XKR6: variants seen among roughly 807,000 people sequenced by gnomAD.
XKR6 encodes the protein XK-related protein 6.
Under a neutral mutation model 56.7 loss-of-function variants are expected in XKR6, and 22 were observed. The observed-to-expected ratio is 0.39, with a 90% CI of 0.28 to 0.55. XKR6 has a LOEUF of 0.55. Ranked by LOEUF, XKR6 falls within the 20% of genes least tolerant of loss-of-function variation. The pLI is 0.66. For missense variants in XKR6, 852 were observed against 889.0 expected (o/e 0.96, Z 0.53); for synonymous variants, 524 against 387.8 (o/e 1.35, Z -4.13).
At chr8:11,135,034 ATTT>A (rs35184172) in intron 1 of XKR6, among the ~76,000 whole-genome samples, 4 of 140,186 alleles carry the variant, frequency 2.9e-5, no homozygotes, top group African/African-American at 2.7e-5. Flanking sequence ...AAATGCACTA[ATTT>A]TTTTTTTTTT....
chr8:11,038,497 T>TTGTGTGTG (rs34388531), intron 1 of XKR6, among the ~76,000 whole-genome samples: 90 of 130,216 alleles, frequency 6.9e-4, no homozygotes, highest in East Asian at 3.2e-3. Context: ...TGTAGTCATT[T>TTGTGTGTG]TGTGTGTGTG....
chr8:10,964,263 AC>A (rs1421072450), intron 1 of XKR6, among the ~76,000 whole-genome samples: 3 of 151,890 alleles, frequency 2.0e-5, no homozygotes, highest in African/African-American at 7.3e-5. Flanking sequence ...AAAACCCAAT[AC>A]CCCCACGCTT....
chr8:10,912,975 T>C (rs1471121995), intron 2 of XKR6, among the ~76,000 whole-genome samples: 2 of 149,490 alleles, frequency 1.3e-5, no homozygotes, highest in Admixed American at 6.7e-5. Flanking sequence ...AGAGAGAAGA[T>C]GAGTGTATAT....
Position 11,116,241 on chromosome 8 carries a change from G to GA in XKR6, c.764+84334dup, listed in dbSNP as rs568760926. 7.9e-4 allele frequency among the ~76,000 whole-genome samples: 121 copies of GA among 152,292 alleles called. 2 individuals are homozygous for GA. Among genetic ancestry groups the GA allele is most frequent in the Middle Eastern group, 3.4e-3 (1 of 294 alleles). On this transcript the variant is annotated intron_variant, in intron 1 of 2. Transcript: ENST00000416569. ...TTTTCAGTTCATAGGAAGCTTCAGA[G>GA]AAAACGTAACTAATTCATAGATACC...
chr8:11,158,079 A>C (rs1391120648), intron 1 of XKR6, among the ~76,000 whole-genome samples: 1 of 152,194 alleles, frequency 6.6e-6, no homozygotes, highest in African/African-American at 2.4e-5. Context: ...GTAATCAGTG[A>C]CTTTTCAATT....
chr8:11,178,547 AATATAT>A (rs373879147), intron 1 of XKR6, among the ~76,000 whole-genome samples: 30 of 88,502 alleles, frequency 3.4e-4, no homozygotes, highest in South Asian at 1.0e-3. Context: ...GAGAGGTAAA[AATATAT>A]ATATATATAT....
intron 1 of XKR6, among the ~76,000 whole-genome samples, chr8:11,027,830 G>A (rs546021321): frequency 6.6e-6 from 1 of 152,038 alleles, no homozygotes; most frequent in East Asian, 1.9e-4. Context: ...TCCCCCTGGC[G>A]CCTCCTACCT....
intron 1 of XKR6, among the ~76,000 whole-genome samples, chr8:10,966,729 G>T (rs1039271723): frequency 3.3e-5 from 5 of 152,134 alleles, no homozygotes; most frequent in African/African-American, 1.2e-4. Flanking sequence ...CTCAGACCCT[G>T]CCCTCAGACC....
intron 1 of XKR6, among the ~76,000 whole-genome samples, chr8:11,015,704 G>T (rs1001419412): frequency 2.0e-5 from 3 of 152,178 alleles, no homozygotes; most frequent in African/African-American, 7.2e-5. Context: ...CAGAAGGAGC[G>T]AGGGAGCAGA....
At chr8:10,912,474 G>T (rs1034559985) in intron 2 of XKR6, among the ~76,000 whole-genome samples, 86 of 143,108 alleles carry the variant, frequency 6.0e-4, no homozygotes, top group African/African-American at 2.1e-3. Context: ...TATAGAGAGA[G>T]AGAGAGAGAG....
chr8:11,107,964 A>C (rs1291642097), intron 1 of XKR6: 1 of 302,204 alleles, frequency 3.3e-6, no homozygotes, highest in East Asian at 1.0e-4. Flanking sequence ...ATGCTCTTCC[A>C]TCTCTCCACT....
At chr8:11,193,992 A>T (rs1342924842) in intron 1 of XKR6, among the ~76,000 whole-genome samples, 1 of 152,190 alleles carries the variant, frequency 6.6e-6, no homozygotes, top group East Asian at 1.9e-4. Flanking sequence ...AACATTAACT[A>T]ATGAGATCTC....
At position 11,035,779 on chromosome 8, in the gene XKR6, G is replaced by C. The variant is rs114734998; in HGVS notation, c.765-110949C>G. On this transcript the variant is annotated intron_variant, in intron 1 of 2. Transcript: ENST00000416569. ...ATTAGTGAGTTGATGTGATAGATGG[G>C]GAAACTGAGGAGAGGGAGGTAAGTG... Among the ~76,000 whole-genome samples the C allele has an allele frequency of 9.2e-3, 1,404 of 152,138 alleles. 16 individuals carry two copies. Among genetic ancestry groups the C allele is most frequent in the African/African-American group, 0.032 (1,320 of 41,484 alleles).
Position 10,897,726 on chromosome 8 carries a change from C to G in XKR6, c.*226G>C, listed in dbSNP as rs1307180119. 4 of 447,692 alleles carry G rather than the reference C, an allele frequency of 8.9e-6. No homozygotes were observed. The South Asian group carries it at 3.4e-4, about 38-fold the overall frequency. The allele number at this position is 447,692 out of a possible 1,614,324, so 27.7% of individuals were successfully genotyped here. A position where few individuals can be genotyped will look rare whatever the true frequency, so the allele number is the denominator to read the frequency against. ...TTTCTTTTTGTTTTTACTTACAAAA[C>G]ATAGAGAATATCTTTGTATACATAC... On this transcript the variant is annotated 3_prime_UTR_variant, in exon 3 of 3. Transcript: ENST00000416569.
At chr8:11,091,834 C>A (rs543799093) in intron 1 of XKR6, among the ~76,000 whole-genome samples, 222 of 152,292 alleles carry the variant, frequency 1.5e-3, no homozygotes, top group African/African-American at 5.2e-3. Flanking sequence ...TCCCCCAACA[C>A]CTCCTCTCAT....
At chr8:10,945,061 G>A (rs1410826659) in intron 1 of XKR6, among the ~76,000 whole-genome samples, 1 of 152,158 alleles carries the variant, frequency 6.6e-6, no homozygotes, top group Non-Finnish European at 1.5e-5. Flanking sequence ...AAACATCCCA[G>A]GGCTCGGGAG....
chr8:10,958,081 C>T (rs574271682), intron 1 of XKR6, among the ~76,000 whole-genome samples: 1 of 152,220 alleles, frequency 6.6e-6, no homozygotes, highest in African/African-American at 2.4e-5. Flanking sequence ...CTTGCCCTCT[C>T]TGGGCCTCAG....
intron 1 of XKR6, among the ~76,000 whole-genome samples, chr8:10,975,290 A>G (rs1445250145): frequency 6.6e-6 from 1 of 152,214 alleles, no homozygotes; most frequent in Admixed American, 6.5e-5. Flanking sequence ...CCCAGCCTTC[A>G]GGAGGCTTCG....
chr8:10,918,052 T>C (rs936585774), intron 2 of XKR6, among the ~76,000 whole-genome samples: 1 of 152,150 alleles, frequency 6.6e-6, no homozygotes, highest in Non-Finnish European at 1.5e-5. Context: ...ATCCATCTCC[T>C]CCAGAGCCAC....
Sources: allele counts gnomAD v4.1 joint callset (sites outside exome capture counted in the v4.1 genomes callset), GRCh38; gene constraint gnomAD v4.1.1; transcripts MANE v1.5; gene names NCBI Gene and HGNC (gene_info 2026-07-23, HGNC 2026-07-21).